The following IGFBP2 variants were observed in gnomAD, a reference collection of about 807,000 sequenced individuals.
IGFBP2 encodes insulin like growth factor binding protein 2.
IGFBP2 carries 12 observed loss-of-function variants against 26.2 expected under a neutral mutation model. That is an observed-to-expected ratio of 0.46 (90% CI 0.29 to 0.74). IGFBP2 has a LOEUF of 0.74. Ranked by LOEUF, IGFBP2 falls within the 30% of genes least tolerant of loss-of-function variation. The pLI is 0.09. For synonymous variants in IGFBP2, 189 were observed against 200.6 expected, an observed-to-expected ratio of 0.94 and a Z score of 0.49; for missense variants, 328 against 441.2, an observed-to-expected ratio of 0.74 and a Z score of 2.30.
chr2:216,657,153 CT>C (rs981988265), intron 1 of IGFBP2, among the ~76,000 whole-genome samples: 1 of 152,172 alleles, frequency 6.6e-6, no homozygotes, highest in Non-Finnish European at 1.5e-5. Flanking sequence ...GACTTTCTAG[CT>C]ACTTTGCTCT....
rs754366867 is a variant in IGFBP2, at chr2:216,664,027, CG to C, written c.907del (p.Asp303ThrfsTer127). 1.2e-6 allele frequency: 2 copies of C among 1,614,022 alleles called. No individual in the cohort carries two copies. Among genetic ancestry groups the C allele is most frequent in the Non-Finnish European group, 1.7e-6 (2 of 1,179,976 alleles). On this transcript the variant is annotated frameshift_variant, in exon 4 of 4. Transcript: ENST00000233809. LOFTEE classifies it high-confidence loss of function. The surrounding 1 kb of genome is among the most constrained non-coding windows in gnomAD (Gnocchi z 4.6). Reference protein sequence around the residue: ...GKLIQGAPTIRGDPECHLFYN... With the variant: ...GKLIQGAPTIXGDPECHLFYN... Reference sequence around the variant, plus strand: ...GCTGATCCAGGGAGCCCCCACCATCCGGGGGGACCCCGAGTGTCATCTCTTC... The same window carrying C: ...GCTGATCCAGGGAGCCCCCACCATCCGGGGGACCCCGAGTGTCATCTCTTC...
intron 1 of IGFBP2, among the ~76,000 whole-genome samples, chr2:216,646,943 T>C (rs915731337): frequency 2.0e-5 from 3 of 152,142 alleles, no homozygotes; most frequent in African/African-American, 7.2e-5. Context: ...GTGTGTCAGC[T>C]AGGAGACCAT....
At chr2:216,663,085 T>G (rs940348279) in intron 3 of IGFBP2, 1 of 152,298 alleles carries the variant, frequency 6.6e-6, no homozygotes, top group Non-Finnish European at 1.5e-5. Context: ...GCTCTGCTGA[T>G]GGCTTAGGGG....
chr2:216,634,076 G>A (rs956149190), intron 1 of IGFBP2, 111 bp downstream of exon 1: 1 of 1,411,704 alleles, frequency 7.1e-7, no homozygotes, highest in Non-Finnish European at 9.3e-7. Context: ...CGAGACCTTG[G>A]ACCAAATCAA....
At chr2:216,637,678 G>A (rs905861322) in intron 1 of IGFBP2, among the ~76,000 whole-genome samples, 1 of 152,214 alleles carries the variant, frequency 6.6e-6, no homozygotes, top group Non-Finnish European at 1.5e-5. Flanking sequence ...GTTAGAATAG[G>A]TGGTAGAGCC....
intron 1 of IGFBP2, among the ~76,000 whole-genome samples, chr2:216,647,726 T>C (rs1340835852): frequency 6.6e-6 from 1 of 152,172 alleles, no homozygotes; most frequent in African/African-American, 2.4e-5. Context: ...TTCACCATGT[T>C]AGCCAGGATG....
chr2:216,637,738 CA>C (rs1559174127), intron 1 of IGFBP2, among the ~76,000 whole-genome samples: 1 of 152,226 alleles, frequency 6.6e-6, no homozygotes, highest in Non-Finnish European at 1.5e-5. Context: ...TCTGCCCACA[CA>C]ATGGCTCTTG....
intron 1 of IGFBP2, among the ~76,000 whole-genome samples, chr2:216,641,621 A>G (rs146217299): frequency 1.1e-3 from 167 of 152,342 alleles, no homozygotes; most frequent in African/African-American, 3.8e-3. Context: ...GATAAATGCA[A>G]TATAAATGCA....
In IGFBP2 at chr2:216,633,485, C is replaced by G. The variant is rs1423082395; in HGVS notation, c.-39C>G. On this transcript the variant is annotated 5_prime_UTR_variant, in exon 1 of 4. Coordinates refer to ENST00000233809, the MANE Select transcript of IGFBP2 (RefSeq NM_000597.3). ...CGTGCCACCTGCCCGCCCGCCCGCT[C>G]GCTCGCTCGCCCGCCGCGCCGCGCT... 5.5e-6 allele frequency: 3 copies of G among 548,632 alleles called. No individual in the cohort carries two copies. The highest frequency in any genetic ancestry group is 7.0e-6 in the Non-Finnish European group (3 of 428,208). The allele number at this position is 548,632 out of a possible 1,614,324, so 34.0% of individuals were successfully genotyped here. A position where few individuals can be genotyped will look rare whatever the true frequency, so the allele number is the denominator to read the frequency against.
intron 1 of IGFBP2, among the ~76,000 whole-genome samples, chr2:216,652,532 G>A (rs1697848305): frequency 6.6e-6 from 1 of 152,212 alleles, no homozygotes; most frequent in African/African-American, 2.4e-5. Flanking sequence ...GCTCAGAGAG[G>A]TTAAAGGTTC....
At chr2:216,660,936 A>G in intron 2 of IGFBP2, 150 bp downstream of exon 2, 1 of 644,400 alleles carries the variant, frequency 1.6e-6, no homozygotes, top group South Asian at 1.9e-5. Context: ...GAACATAGTT[A>G]GTGACCTTTG....
intron 1 of IGFBP2, among the ~76,000 whole-genome samples, chr2:216,652,760 G>A (rs1697852588): frequency 2.0e-5 from 3 of 152,234 alleles, no homozygotes; most frequent in African/African-American, 7.2e-5. Flanking sequence ...CAAAGACGGA[G>A]CCATGTGAGT....
chr2:216,656,948 G>T (rs1373046437), intron 1 of IGFBP2, among the ~76,000 whole-genome samples: 1 of 152,106 alleles, frequency 6.6e-6, no homozygotes, highest in Non-Finnish European at 1.5e-5. Context: ...AACCCTTCCT[G>T]CCTCTGTGGG....
Position 216,658,526 on chromosome 2 carries a change from TTTTATTTATTTATTTATTTA to T in IGFBP2, c.443-2011_443-1992del, listed in dbSNP as rs143672936. ...TAGAATTTCTGTGCTCCAGGTCGTC[TTTTATTTATTTATTTATTTA>T]TTTATTTATTTATTTATTTTTGAGG... On this transcript the variant is annotated intron_variant, in intron 1 of 3. Transcript: ENST00000233809. Among the ~76,000 whole-genome samples, 7 of 146,278 alleles carry T rather than the reference TTTTATTTATTTATTTATTTA, an allele frequency of 4.8e-5. No homozygotes were observed. The South Asian group carries it at 6.9e-4, about 14-fold the overall frequency.
At chr2:216,634,901 T>TA (rs1697463415) in intron 1 of IGFBP2, among the ~76,000 whole-genome samples, 1 of 91,394 alleles carries the variant, frequency 1.1e-5, no homozygotes, top group Non-Finnish European at 2.3e-5. Context: ...ACTTTTTTTT[T>TA]TTTTTAATTA....
At chr2:216,646,898 T>A (rs1178585692) in intron 1 of IGFBP2, among the ~76,000 whole-genome samples, 1 of 152,196 alleles carries the variant, frequency 6.6e-6, no homozygotes, top group Non-Finnish European at 1.5e-5. Context: ...GATGGTCACC[T>A]TTTCTAATGT....
At chr2:216,656,411 A>G (rs1697924952) in intron 1 of IGFBP2, among the ~76,000 whole-genome samples, 1 of 152,178 alleles carries the variant, frequency 6.6e-6, no homozygotes, top group Non-Finnish European at 1.5e-5. Flanking sequence ...TTTGCTTTAT[A>G]TGGGGCCTGG....
At chr2:216,644,188 G>A (rs759431745) in intron 1 of IGFBP2, among the ~76,000 whole-genome samples, 1 of 147,574 alleles carries the variant, frequency 6.8e-6, no homozygotes, top group Non-Finnish European at 1.5e-5. Flanking sequence ...TTCTGTGGGC[G>A]GGGGGAGGGA....
chr2:216,647,418 A>T (rs1223838000), intron 1 of IGFBP2, among the ~76,000 whole-genome samples: 1 of 152,190 alleles, frequency 6.6e-6, no homozygotes, highest in Admixed American at 6.5e-5. Context: ...TTGGCAATGG[A>T]CTCAGGCTAG....
Sources: gnomAD v4.1 joint callset for allele counts (sites outside exome capture counted in the v4.1 genomes callset) on GRCh38, gnomAD v4.1.1 for gene constraint, Gnocchi (gnomAD v3.1) non-coding constraint, MANE v1.5 for transcripts, NCBI Gene and HGNC (gene_info 2026-07-23, HGNC 2026-07-21) for gene names.